The following HS3ST2 variants were observed in gnomAD, a reference collection of about 807,000 sequenced individuals.
HS3ST2 encodes heparan sulfate glucosamine 3-O-sulfotransferase 2.
In HS3ST2, 17 loss-of-function variants were observed where a neutral mutation model predicts 26.3. The ratio of observed to expected loss-of-function variants is 0.65; its 90% CI spans 0.44 to 0.97. The LOEUF (loss-of-function observed/expected upper bound fraction) is 0.97. Among genes scored for constraint, HS3ST2 ranks in the 50% least tolerant of loss-of-function variants. The pLI is 0.00. For synonymous variants in HS3ST2, 237 were observed against 219.2 expected (o/e 1.08, Z -0.72); for missense variants, 402 against 501.2 (o/e 0.80, Z 1.89).
rs774517900 is a variant in HS3ST2, at chr16:22,896,075, T to A, written c.486-18869T>A. Among the ~76,000 whole-genome samples, 119 of 152,086 alleles carry A rather than the reference T, an allele frequency of 7.8e-4. 1 individual carries two copies. The highest frequency in any genetic ancestry group is 1.3e-3 in the Non-Finnish European group (88 of 68,016). Reference sequence around the variant, plus strand: ...AATCCTCCTGCCTCAGCCTTCCAAGTAGCTGGGACAAGAGGTGCACTCCAC... The same window carrying A: ...AATCCTCCTGCCTCAGCCTTCCAAGAAGCTGGGACAAGAGGTGCACTCCAC... On this transcript the variant is annotated intron_variant, in intron 1 of 1. Transcript: ENST00000261374.
chr16:22,841,088 G>C (rs1010487461), intron 1 of HS3ST2, among the ~76,000 whole-genome samples: 1 of 151,306 alleles, frequency 6.6e-6, no homozygotes, highest in South Asian at 2.1e-4. Context: ...CCTTGTGAGG[G>C]TCTCACATTG....
intron 1 of HS3ST2, among the ~76,000 whole-genome samples, chr16:22,904,975 G>A (rs1902331234): frequency 6.6e-6 from 1 of 152,192 alleles, no homozygotes; most frequent in African/African-American, 2.4e-5. Flanking sequence ...CTCAGTGTGT[G>A]GGGGTTTAGC....
At chr16:22,837,429 TG>T (rs1901275499) in intron 1 of HS3ST2, among the ~76,000 whole-genome samples, 1 of 151,436 alleles carries the variant, frequency 6.6e-6, no homozygotes, top group Non-Finnish European at 1.5e-5. Context: ...AGATCCCCAG[TG>T]GATGCCTGAA....
chr16:22,832,532 T>C (rs1435248646), intron 1 of HS3ST2, among the ~76,000 whole-genome samples: 2 of 151,848 alleles, frequency 1.3e-5, no homozygotes, highest in South Asian at 2.1e-4. Context: ...CATTCCTGAA[T>C]GATGTTGGGG....
At chr16:22,853,483 T>G (rs1160971434) in intron 1 of HS3ST2, among the ~76,000 whole-genome samples, 1 of 152,132 alleles carries the variant, frequency 6.6e-6, no homozygotes, top group Non-Finnish European at 1.5e-5. Context: ...AAGAGAGAAT[T>G]TAGGCCTCCT....
chr16:22,829,974 T>G (rs1328705910), intron 1 of HS3ST2, among the ~76,000 whole-genome samples: 2 of 152,074 alleles, frequency 1.3e-5, no homozygotes, highest in Non-Finnish European at 2.9e-5. Context: ...TCTTAATAAT[T>G]GGGCCAATAA....
Position 22,896,933 on chromosome 16 carries a change from A to T in HS3ST2, c.486-18011A>T, listed in dbSNP as rs75154207. On this transcript the variant is annotated intron_variant, in intron 1 of 1. Transcript: ENST00000261374. ...GTGATCCTCCCACCTCAGCCCCATC[A>T]AGTAGCTGAGACTACAGGTATATAC... is the stretch of plus-strand genomic sequence containing the variant. Among the ~76,000 whole-genome samples, 1,288 of 152,214 alleles carry T rather than the reference A, an allele frequency of 8.5e-3. 22 individuals carry two copies. Among genetic ancestry groups the T allele is most frequent in the African/African-American group, 0.03 (1,227 of 41,516 alleles).
At chr16:22,822,841 C>T (rs1901018207) in intron 1 of HS3ST2, among the ~76,000 whole-genome samples, 1 of 140,600 alleles carries the variant, frequency 7.1e-6, no homozygotes, top group South Asian at 2.2e-4. Context: ...GGCAACAGAG[C>T]AAGACTCCGT....
At chr16:22,819,039 ATTCC>A (rs1403982456) in intron 1 of HS3ST2, among the ~76,000 whole-genome samples, 2 of 3,232 alleles carry the variant, frequency 6.2e-4, no homozygotes, top group Non-Finnish European at 9.8e-4. Context: ...TCCTTCCTTC[ATTCC>A]TTCCTTCCTT....
intron 1 of HS3ST2, among the ~76,000 whole-genome samples, chr16:22,836,676 A>T (rs909465854): frequency 6.6e-6 from 1 of 152,116 alleles, no homozygotes; most frequent in African/African-American, 2.4e-5. Flanking sequence ...TTTGTCACAC[A>T]TGAACAATAA....
chr16:22,837,617 A>G (rs1174804778), intron 1 of HS3ST2, among the ~76,000 whole-genome samples: 1 of 135,164 alleles, frequency 7.4e-6, no homozygotes, highest in African/African-American at 3.1e-5. Flanking sequence ...ACATATATGT[A>G]TATATACACA....
chr16:22,860,784 AT>A lies in HS3ST2; in HGVS notation c.485+45692del, dbSNP rs574822776. ...TATAAAATATCATACATATTTAATA[AT>A]TTAATACCCTTAATGTATATTTAAC... On this transcript the variant is annotated intron_variant, in intron 1 of 1. Coordinates refer to ENST00000261374, the MANE Select transcript of HS3ST2 (RefSeq NM_006043.2). 2.8e-3 allele frequency among the ~76,000 whole-genome samples: 423 copies of A among 151,620 alleles called. 2 individuals carry two copies. Among genetic ancestry groups the A allele is most frequent in the Non-Finnish European group, 4.9e-3 (330 of 67,902 alleles).
At chr16:22,820,913 A>G (rs1405810089) in intron 1 of HS3ST2, among the ~76,000 whole-genome samples, 1 of 152,192 alleles carries the variant, frequency 6.6e-6, no homozygotes, top group Non-Finnish European at 1.5e-5. Context: ...CTTATGATTG[A>G]TGGTGTCTTA....
chr16:22,870,347 C>T (rs1402893238), intron 1 of HS3ST2, among the ~76,000 whole-genome samples: 1 of 152,180 alleles, frequency 6.6e-6, no homozygotes, highest in East Asian at 1.9e-4. Context: ...AGCCAAGCCA[C>T]CATCATCTCT....
At chr16:22,895,084 TTTG>T (rs954471069) in intron 1 of HS3ST2, among the ~76,000 whole-genome samples, 14 of 151,274 alleles carry the variant, frequency 9.3e-5, no homozygotes, top group Non-Finnish European at 2.1e-4. Flanking sequence ...TTTTTTTTTT[TTTG>T]TTGTTTGTTT....
At chr16:22,839,182 A>G (rs1901316739) in intron 1 of HS3ST2, among the ~76,000 whole-genome samples, 1 of 152,220 alleles carries the variant, frequency 6.6e-6, no homozygotes, top group African/African-American at 2.4e-5. Context: ...CTCGGCACAT[A>G]AAAAGATTGA....
intron 1 of HS3ST2, among the ~76,000 whole-genome samples, chr16:22,818,245 A>G (rs1596600905): frequency 6.6e-6 from 1 of 152,320 alleles, no homozygotes; most frequent in East Asian, 1.9e-4. Context: ...GGGAACCAGG[A>G]CAGGGAACCA....
intron 1 of HS3ST2, among the ~76,000 whole-genome samples, chr16:22,822,689 A>C (rs1001536886): frequency 1.3e-5 from 2 of 152,008 alleles, no homozygotes; most frequent in Admixed American, 1.3e-4. Context: ...CCCCATCTCT[A>C]CTAAAAATAC....
At chr16:22,890,876 T>A (rs755031490) in intron 1 of HS3ST2, among the ~76,000 whole-genome samples, 1 of 152,182 alleles carries the variant, frequency 6.6e-6, no homozygotes, top group Non-Finnish European at 1.5e-5. Context: ...AAGTAAAAGT[T>A]AGCCTTAACC....
Sources: gnomAD v4.1 joint callset for allele counts (sites outside exome capture counted in the v4.1 genomes callset) on GRCh38, gnomAD v4.1.1 for gene constraint, MANE v1.5 for transcripts, NCBI Gene and HGNC (gene_info 2026-07-23, HGNC 2026-07-21) for gene names.